UMODL1: variants seen among roughly 807,000 people sequenced by gnomAD.
UMODL1 encodes the protein uromodulin like 1.
A neutral mutation model predicts 136.3 loss-of-function variants in UMODL1; 128 were observed. The ratio of observed to expected loss-of-function variants is 0.94; its 90% confidence interval spans 0.81 to 1.09. The LOEUF (loss-of-function observed/expected upper bound fraction) is 1.09. Ranked by LOEUF, UMODL1 falls within the 50% of genes least tolerant of loss-of-function variation. UMODL1 has a pLI of 0.00. For synonymous variants in UMODL1, 721 were observed against 720.0 expected, an observed-to-expected ratio of 1.00 and a Z score of -0.02; for missense variants, 1,766 against 1,725.6, an observed-to-expected ratio of 1.02 and a Z score of -0.41.
chr21:42,075,685 G>A (rs150455851), intron 1 of UMODL1, among the ~76,000 whole-genome samples: 3 of 152,306 alleles, frequency 2.0e-5, no homozygotes, highest in Non-Finnish European at 2.9e-5. Context: ...TCTCTCCTTC[G>A]TATATGGACC....
At chr21:42,125,539 C>T (rs2067040723) in intron 17 of UMODL1, among the ~76,000 whole-genome samples, 1 of 152,236 alleles carries the variant, frequency 6.6e-6, no homozygotes, top group South Asian at 2.1e-4. Context: ...TTCAGCCCCT[C>T]AAATGGCACA....
chr21:42,083,712 G>A (rs2066389519), intron 2 of UMODL1, among the ~76,000 whole-genome samples: 2 of 152,272 alleles, frequency 1.3e-5, no homozygotes, highest in African/African-American at 4.8e-5. Context: ...CCGGCACATA[G>A]CAGGTGCTCA....
intron 6 of UMODL1, among the ~76,000 whole-genome samples, chr21:42,095,449 C>G (rs899438219): frequency 6.6e-6 from 1 of 150,454 alleles, no homozygotes; most frequent in Non-Finnish European, 1.5e-5. Flanking sequence ...AGCTTCATAC[C>G]GCCTTCTCCT....
At chr21:42,108,364 A>G (rs927805215) in intron 9 of UMODL1, 2 of 523,308 alleles carry the variant, frequency 3.8e-6, no homozygotes, top group Admixed American at 2.0e-5. Flanking sequence ...TTCTGATGGC[A>G]AGGCAGCCCC....
At chr21:42,071,446 A>G in intron 1 of UMODL1, 54 bp downstream of exon 1, 2 of 1,474,462 alleles carry the variant, frequency 1.4e-6, no homozygotes, top group South Asian at 1.4e-5. Context: ...GCTTCCTGGC[A>G]TGGGTCTCAT....
rs765285002 is a variant in UMODL1 at position 42,085,413 on chromosome 21, G to A, written c.603+1G>A. On this transcript the variant is annotated splice_donor_variant, in intron 4 of 22. Transcript: ENST00000408910. LOFTEE classifies it high-confidence loss of function. The surrounding 1 kb of genome is among the most constrained non-coding windows in gnomAD (Gnocchi z 4.5). ...CCACATGCGCCTTCTGCATTCCTTG[G>A]TAGGTGAGACAGACGGGGGCTGCCT... 2 of 1,613,826 alleles carry A rather than the reference G, an allele frequency of 1.2e-6. No homozygotes were observed. Among genetic ancestry groups the A allele is most frequent in the South Asian group, 2.2e-5 (2 of 91,078 alleles).
At chr21:42,141,622 C>T (rs220182) in intron 22 of UMODL1, among the ~76,000 whole-genome samples, 81,373 of 151,938 alleles carry the variant, frequency 0.54, 22,201 homozygotes, top group East Asian at 0.73. Flanking sequence ...TTTGTTCTCC[C>T]GGGGCTCCTG....
Position 42,107,479 on chromosome 21 carries a change from G to A in UMODL1, c.1520-2083G>A, listed in dbSNP as rs114173191. Among the ~76,000 whole-genome samples, 1,430 of 152,310 alleles carry A rather than the reference G, an allele frequency of 9.4e-3. 21 individuals are homozygous for A. The highest frequency in any genetic ancestry group is 0.033 in the African/African-American group (1,361 of 41,562). Reference sequence around the variant, plus strand: ...GAGTGAGAGAAGGGCCGTGAGTGAGGATCCTGGCCTAGGGCTGTCACCATC... The same window carrying A: ...GAGTGAGAGAAGGGCCGTGAGTGAGAATCCTGGCCTAGGGCTGTCACCATC... On this transcript the variant is annotated intron_variant, in intron 9 of 22. Transcript: ENST00000408910.
At chr21:42,080,029 A>G (rs2066343166) in intron 2 of UMODL1, among the ~76,000 whole-genome samples, 1 of 152,202 alleles carries the variant, frequency 6.6e-6, no homozygotes, top group African/African-American at 2.4e-5. Context: ...GAGGGCCTGT[A>G]TCCCATTTCT....
chr21:42,094,504 G>A (rs2066530444), intron 6 of UMODL1, among the ~76,000 whole-genome samples: 1 of 152,202 alleles, frequency 6.6e-6, no homozygotes. Flanking sequence ...TATCCGCATT[G>A]CCGTGGCCTT....
At position 42,090,300 on chromosome 21, in the gene UMODL1, G is replaced by A. The variant is rs1452244806; in HGVS notation, c.793G>A (p.Val265Ile). Residue 265 changes from valine to isoleucine, a missense_variant and splice_region_variant, in exon 6 of 23, where the codon GTC becomes ATC. Physicochemically the swap from Val to Ile is conservative, Grantham distance 29. Transcript: ENST00000408910. ...GGTCCTGCTCTCCTTCCCTGTAGAT[G>A]TCAATGAGTGTTTCTATGAGGAGCT... The part of the protein sequence containing the change: ...YEVISVQVQD[V>I]NECFYEELNA... 2 of 1,614,062 alleles carry A rather than the reference G, an allele frequency of 1.2e-6. No homozygotes were observed. Among genetic ancestry groups the A allele is most frequent in the South Asian group, 1.1e-5 (1 of 91,070 alleles).
At chr21:42,083,686 G>A (rs2066388861) in intron 2 of UMODL1, among the ~76,000 whole-genome samples, 1 of 152,262 alleles carries the variant, frequency 6.6e-6, no homozygotes, top group Non-Finnish European at 1.5e-5. Flanking sequence ...TGGGCCCTGG[G>A]CACCCGGCAT....
chr21:42,141,321 TC>T (rs1207340475), intron 22 of UMODL1, among the ~76,000 whole-genome samples: 5 of 152,214 alleles, frequency 3.3e-5, no homozygotes, highest in Non-Finnish European at 2.9e-5. Flanking sequence ...GCTTTGTCTT[TC>T]CCGTCTCTCC....
chr21:42,109,304 A>T (rs898405014), intron 9 of UMODL1, among the ~76,000 whole-genome samples: 1 of 152,186 alleles, frequency 6.6e-6, no homozygotes, highest in African/African-American at 2.4e-5. Flanking sequence ...AGAGGGCTAC[A>T]TGCACACCCA....
chr21:42,079,680 A>G (rs2066337355), intron 2 of UMODL1, among the ~76,000 whole-genome samples: 1 of 152,194 alleles, frequency 6.6e-6, no homozygotes, highest in South Asian at 2.1e-4. Flanking sequence ...AGACCCTCCA[A>G]TCCCTCGGGC....
At chr21:42,109,119 G>A in intron 9 of UMODL1, among the ~76,000 whole-genome samples, 1 of 119,250 alleles carries the variant, frequency 8.4e-6, no homozygotes, top group Non-Finnish European at 1.7e-5. Context: ...GTTATACTCC[G>A]CTGGACCCCC....
At chr21:42,095,089 G>T (rs370249945) in intron 6 of UMODL1, among the ~76,000 whole-genome samples, 67 of 61,180 alleles carry the variant, frequency 1.1e-3, no homozygotes, top group South Asian at 2.1e-3. Context: ...TTCTTCTGCT[G>T]TTTTTTTTTT....
At chr21:42,074,980 C>A (rs1424148382) in intron 1 of UMODL1, among the ~76,000 whole-genome samples, 1 of 152,066 alleles carries the variant, frequency 6.6e-6, no homozygotes, top group Admixed American at 6.5e-5. Flanking sequence ...TGGCTCACTG[C>A]AACCTCCGCC....
chr21:42,126,465 T>C lies in UMODL1; in HGVS notation c.3268T>C (p.Ser1090Pro), dbSNP rs1005938520. The change falls in exon 18 of 23, where the codon TCC (serine) becomes CCC (proline). Residue 1090 changes from serine (S) to proline (P), a missense_variant. Ser to Pro is a moderately conservative substitution (Grantham distance 74, BLOSUM62 -1). Transcript: ENST00000408910. Reference sequence around the variant, plus strand: ...CGCCTTCCAGAATGACCTGCTGACATCCTCCGGCTTCACCCTGGAGTGGGG... The same window carrying C: ...CGCCTTCCAGAATGACCTGCTGACACCCTCCGGCTTCACCCTGGAGTGGGG... The part of the protein sequence containing the change: ...YCAFQNDLLT[S>P]SGFTLEWGVY... The C allele has an allele frequency of 2.5e-6, 4 of 1,614,190 alleles. No homozygotes were observed. Among genetic ancestry groups the C allele is most frequent in the Non-Finnish European group, 2.5e-6 (3 of 1,180,032 alleles).
Sources: allele counts gnomAD v4.1 joint callset (sites outside exome capture counted in the v4.1 genomes callset), GRCh38; gene constraint gnomAD v4.1.1; non-coding constraint Gnocchi (gnomAD v3.1); transcripts MANE v1.5; gene names NCBI Gene and HGNC (gene_info 2026-07-23, HGNC 2026-07-21).